Variants in AGBL1 observed in about 807,000 individuals in gnomAD.
AGBL1 encodes the protein AGBL carboxypeptidase 1.
AGBL1 carries 130 observed loss-of-function variants against 118.9 expected under a neutral mutation model. The ratio of observed to expected loss-of-function variants is 1.09; its 90% CI spans 0.95 to 1.26. AGBL1 has a LOEUF of 1.26. Among genes scored for constraint, AGBL1 ranks in the 50% most tolerant of loss-of-function variants. AGBL1 has a pLI of 0.00. For synonymous variants in AGBL1, 555 were observed against 478.9 expected (o/e 1.16, Z -2.08); for missense variants, 1,584 against 1,298.1 (o/e 1.22, Z -3.38).
chr15:86,572,193 C>T (rs917435598), intron 21 of AGBL1, among the ~76,000 whole-genome samples: 4 of 152,020 alleles, frequency 2.6e-5, no homozygotes, highest in African/African-American at 7.2e-5. Context: ...GGGGAAGTGC[C>T]GGCTCCCTTC....
At chr15:86,548,470 A>C (rs2083616974) in intron 20 of AGBL1, among the ~76,000 whole-genome samples, 2 of 152,184 alleles carry the variant, frequency 1.3e-5, no homozygotes, top group Non-Finnish European at 2.9e-5. Context: ...CAGCCCTTTT[A>C]GGACTCTGTA....
downstream of AGBL1, among the ~76,000 whole-genome samples, chr15:86,918,997 CTA>C (rs1328979957): frequency 6.6e-6 from 1 of 152,128 alleles, no homozygotes; most frequent in African/African-American, 2.4e-5. Context: ...CCTGGTGACT[CTA>C]TTTTTTTCAG....
Position 86,718,286 on chromosome 15 carries a change from G to C in AGBL1, c.3158+43850G>C, listed in dbSNP as rs139847604. Among the ~76,000 whole-genome samples, 411 of 152,114 alleles carry C rather than the reference G, an allele frequency of 2.7e-3. 1 individual carries two copies. Among genetic ancestry groups the C allele is most frequent in the African/African-American group, 9.3e-3 (386 of 41,492 alleles). ...AATCATTCTGAGCAAACTATCTCAA[G>C]GACAGAAAACCAAACACTGCATGTT... On this transcript the variant is annotated intron_variant, in intron 22 of 22. Coordinates refer to ENST00000614907, the MANE Select transcript of AGBL1 (RefSeq NM_001386094.1).
intron 22 of AGBL1, among the ~76,000 whole-genome samples, chr15:86,744,883 A>G (rs1484294748): frequency 1.3e-5 from 2 of 152,150 alleles, no homozygotes; most frequent in East Asian, 3.9e-4. Context: ...GATTGGTGTC[A>G]TTCTGCAAAC....
At chr15:86,948,201 C>A (rs1320184005) in intron 23 of AGBL1, among the ~76,000 whole-genome samples, 2 of 152,014 alleles carry the variant, frequency 1.3e-5, no homozygotes, top group Non-Finnish European at 2.9e-5. Context: ...CAGACAGACA[C>A]CCAGGCAATA....
chr15:86,484,438 A>G (rs2082689646), intron 18 of AGBL1, among the ~76,000 whole-genome samples: 1 of 152,128 alleles, frequency 6.6e-6, no homozygotes, highest in Non-Finnish European at 1.5e-5. Flanking sequence ...ATAAAGAAAA[A>G]ACAGATAAAC....
At chr15:86,318,728 G>A (rs1458249140) in intron 17 of AGBL1, among the ~76,000 whole-genome samples, 6 of 144,272 alleles carry the variant, frequency 4.2e-5, no homozygotes, top group African/African-American at 1.3e-4. Flanking sequence ...TTTTGGCAGG[G>A]ATTGGTCAGG....
intron 23 of AGBL1, among the ~76,000 whole-genome samples, chr15:86,924,796 T>C (rs2080514058): frequency 2.0e-5 from 3 of 152,060 alleles, no homozygotes; most frequent in South Asian, 2.1e-4. Context: ...ACCTGGGTGA[T>C]CAGGTGCGGT....
At chr15:86,555,284 G>A (rs577715365) in intron 21 of AGBL1, among the ~76,000 whole-genome samples, 5 of 152,058 alleles carry the variant, frequency 3.3e-5, no homozygotes, top group African/African-American at 9.7e-5. Context: ...ACTGCTCCTC[G>A]GTGACTTCCA....
chr15:86,680,614 T>A (rs2085937107), intron 22 of AGBL1, among the ~76,000 whole-genome samples: 1 of 139,734 alleles, frequency 7.2e-6, no homozygotes, highest in South Asian at 2.4e-4. Context: ...TCACCTAGGC[T>A]GGAGTGCAGT....
intron 21 of AGBL1, among the ~76,000 whole-genome samples, chr15:86,633,899 A>G (rs71408861): frequency 0.029 from 1,122 of 38,804 alleles, 20 homozygotes; most frequent in South Asian, 0.065. Context: ...TATATAATGT[A>G]TATATATATA....
intron 23 of AGBL1, among the ~76,000 whole-genome samples, chr15:86,984,780 C>T (rs11630966): frequency 0.11 from 16,189 of 152,002 alleles, 1,009 homozygotes; most frequent in East Asian, 0.14. Context: ...TTTATTTTAA[C>T]GGTGTCATTA....
intron 1 of AGBL1, among the ~76,000 whole-genome samples, chr15:86,119,333 T>C (rs1240511699): frequency 6.6e-6 from 1 of 151,322 alleles, no homozygotes; most frequent in African/African-American, 2.4e-5. Context: ...CAGATTTTTG[T>C]CTTTGCTTTT....
chr15:86,860,436 A>G (rs2079544939), intron 22 of AGBL1, among the ~76,000 whole-genome samples: 1 of 149,950 alleles, frequency 6.7e-6, no homozygotes, highest in Non-Finnish European at 1.5e-5. Context: ...ATATAATTTC[A>G]TATATATATA....
chr15:86,554,509 A>G lies in AGBL1; in HGVS notation c.2966A>G (p.Tyr989Cys), dbSNP rs2083706059. ...VSRSYTMESS[Y>C]CGCNQGPYQG... ...AGAAGCTACACCATGGAAAGCAGCTACTGTGGCTGCAACCAGGGCCCTTAT... is the reference window on the plus strand; with the variant it reads ...AGAAGCTACACCATGGAAAGCAGCTGCTGTGGCTGCAACCAGGGCCCTTAT... The change falls in exon 21 of 23, where the codon TAC (tyrosine) becomes TGC (cysteine). Residue 989 changes from tyrosine to cysteine, a missense_variant. Physicochemically the swap from Tyr to Cys is radical, Grantham distance 194. Transcript: ENST00000614907. 6.4e-7 allele frequency: 1 copy of G among 1,557,776 alleles called. No homozygotes were observed. The highest frequency in any genetic ancestry group is 8.7e-7 in the Non-Finnish European group (1 of 1,154,542).
At chr15:86,568,654 A>G (rs1567062445) in intron 21 of AGBL1, among the ~76,000 whole-genome samples, 1 of 152,238 alleles carries the variant, frequency 6.6e-6, no homozygotes, top group Non-Finnish European at 1.5e-5. Context: ...ACCCTGGAGC[A>G]GAGCATCAGC....
chr15:86,185,949 T>C (rs1670237003), intron 5 of AGBL1, among the ~76,000 whole-genome samples: 1 of 152,110 alleles, frequency 6.6e-6, no homozygotes, highest in Non-Finnish European at 1.5e-5. Flanking sequence ...GATTCTAAAA[T>C]AAAAATTTTT....
At chr15:86,802,112 G>T (rs1376942072) in intron 22 of AGBL1, among the ~76,000 whole-genome samples, 1 of 152,134 alleles carries the variant, frequency 6.6e-6, no homozygotes, top group Non-Finnish European at 1.5e-5. Flanking sequence ...TATACAGGGA[G>T]ACTAAGTTTA....
At chr15:86,263,034 A>G in intron 10 of AGBL1, 140 bp downstream of exon 10, 1 of 671,922 alleles carries the variant, frequency 1.5e-6, no homozygotes. Context: ...CTTAGAGAAA[A>G]GCAGAATGCT....
Sources: gnomAD v4.1 joint callset for allele counts (sites outside exome capture counted in the v4.1 genomes callset) on GRCh38, gnomAD v4.1.1 for gene constraint, MANE v1.5 for transcripts, NCBI Gene and HGNC (gene_info 2026-07-23, HGNC 2026-07-21) for gene names.